The following PEMT variants were observed in gnomAD, a reference collection of about 807,000 sequenced individuals.
PEMT encodes the protein phosphatidylethanolamine N-methyltransferase, also known as phospholipid methyltransferase.
In PEMT, 23 loss-of-function variants were observed where a neutral mutation model predicts 27.4. The observed-to-expected ratio is 0.84, with a 90% CI of 0.60 to 1.19. The LOEUF is 1.19. Among genes scored for constraint, PEMT ranks in the 50% most tolerant of loss-of-function variants. PEMT has a pLI of 0.00. For synonymous variants in PEMT, 137 were observed against 139.1 expected (o/e 0.98, Z 0.11); for missense variants, 307 against 310.1 (o/e 0.99, Z 0.07).
chr17:17,572,382 C>T (rs1163875852), intron 2 of PEMT, among the ~76,000 whole-genome samples: 1 of 152,252 alleles, frequency 6.6e-6, no homozygotes, highest in East Asian at 1.9e-4. Flanking sequence ...GCACCACCGT[C>T]CCCAGCCACC....
intron 2 of PEMT, among the ~76,000 whole-genome samples, chr17:17,541,340 C>A (rs1908871210): frequency 6.6e-6 from 1 of 152,202 alleles, no homozygotes. Context: ...TCTTTCAGCT[C>A]CTCCAGCTCT....
chr17:17,510,819 C>A (rs142798690), intron 4 of PEMT, among the ~76,000 whole-genome samples: 1 of 152,184 alleles, frequency 6.6e-6, no homozygotes, highest in Non-Finnish European at 1.5e-5. Flanking sequence ...GCTCTCCTTA[C>A]GCTGCCTCTG....
At chr17:17,588,211 C>T (rs868354072) in intron 1 of PEMT, among the ~76,000 whole-genome samples, 3 of 152,184 alleles carry the variant, frequency 2.0e-5, no homozygotes, top group Middle Eastern at 3.2e-3. Flanking sequence ...ACAAAATGTA[C>T]GGCCTTGAAA....
chr17:17,508,707 T>C (rs1906101848), intron 5 of PEMT: 1 of 449,248 alleles, frequency 2.2e-6, no homozygotes, highest in African/African-American at 2.1e-5. Context: ...TGACCGCAGG[T>C]CCTCTGACCC....
chr17:17,579,377 G>A (rs777794984), intron 1 of PEMT, among the ~76,000 whole-genome samples: 18 of 152,214 alleles, frequency 1.2e-4, no homozygotes, highest in South Asian at 4.1e-4. Flanking sequence ...GCAGGGCTAA[G>A]CAGATGTTAA....
chr17:17,583,224 A>C (rs1912073004), intron 1 of PEMT, among the ~76,000 whole-genome samples: 1 of 151,944 alleles, frequency 6.6e-6, no homozygotes, highest in African/African-American at 2.4e-5. Context: ...TAAAAATACA[A>C]AAATAGCCAG....
chr17:17,550,456 G>T (rs916244034), intron 2 of PEMT, among the ~76,000 whole-genome samples: 1 of 152,100 alleles, frequency 6.6e-6, no homozygotes, highest in Non-Finnish European at 1.5e-5. Flanking sequence ...ACACCTGAAC[G>T]GTCTGCTTCA....
chr17:17,520,460 G>A (rs747127622), intron 3 of PEMT, among the ~76,000 whole-genome samples: 11 of 152,192 alleles, frequency 7.2e-5, no homozygotes, highest in Middle Eastern at 3.2e-3. Context: ...GTAAAACCTC[G>A]GGCAACCATT....
In PEMT at chr17:17,523,568, C is replaced by T. The variant is rs67660030; in HGVS notation, c.205-1173G>A. ...GGAGGTAGCTCCCGGGCCTTCCCCT[C>T]AACCAGCTGTTGGCACTGCAGCCAA... On this transcript the variant is annotated intron_variant, in intron 2 of 6. Coordinates refer to ENST00000255389, the MANE Select transcript of PEMT (RefSeq NM_148172.3). The surrounding 1 kb of genome is among the most constrained non-coding windows in gnomAD (Gnocchi z 4.8). Among the ~76,000 whole-genome samples, 4,264 of 152,236 alleles carry T rather than the reference C, an allele frequency of 0.028. 214 individuals carry two copies. Among genetic ancestry groups the T allele is most frequent in the African/African-American group, 0.097 (4,022 of 41,512 alleles).
chr17:17,534,659 A>G (rs765638291), intron 2 of PEMT, among the ~76,000 whole-genome samples: 55 of 152,202 alleles, frequency 3.6e-4, no homozygotes, highest in Non-Finnish European at 7.3e-4. Flanking sequence ...CCAGATGGTG[A>G]GACCCCCATC....
chr17:17,509,793 G>C lies in PEMT; in HGVS notation c.467-248C>G, dbSNP rs554193495. On this transcript the variant is annotated intron_variant, in intron 4 of 6. Coordinates refer to ENST00000255389, the MANE Select transcript of PEMT (RefSeq NM_148172.3). ...CCCCTGCCCCACTGCTCCTCTTCTC[G>C]AGCACTCTGACCCAGCCATGCTGGC... is the stretch of plus-strand genomic sequence containing the variant. Among the ~76,000 whole-genome samples, 8 of 152,278 alleles carry C rather than the reference G, an allele frequency of 5.3e-5. No homozygotes were observed. In the South Asian group the frequency reaches 1.5e-3, roughly 28 times the overall value.
chr17:17,591,381 G>A (rs963054726), intron 1 of PEMT, 150 bp downstream of exon 1: 24 of 662,860 alleles, frequency 3.6e-5, no homozygotes, highest in Non-Finnish European at 4.3e-5. Flanking sequence ...GCTCCCGCAC[G>A]CGGCTCCCCC....
At chr17:17,586,234 A>C (rs1346729277) in intron 1 of PEMT, among the ~76,000 whole-genome samples, 1 of 93,804 alleles carries the variant, frequency 1.1e-5, no homozygotes, top group African/African-American at 5.9e-5. Context: ...GAAAGAAAGA[A>C]AGAAAGAAAG....
In PEMT at chr17:17,591,635, C is replaced by G; in HGVS notation, c.-9G>C. On this transcript the variant is annotated 5_prime_UTR_variant, in exon 1 of 7. Transcript: ENST00000255389. ...TTCCCAGATCTCTTCATCCGGGGGC[C>G]GCCTCAGGAGGCACCACGCGGGCCC... 1 of 1,609,290 alleles carries G rather than the reference C, an allele frequency of 6.2e-7. No individual in the cohort carries two copies. The highest frequency in any genetic ancestry group is 8.5e-7 in the Non-Finnish European group (1 of 1,178,088).
At chr17:17,580,920 C>G (rs1217757868) in intron 1 of PEMT, among the ~76,000 whole-genome samples, 1 of 152,184 alleles carries the variant, frequency 6.6e-6, no homozygotes, top group Non-Finnish European at 1.5e-5. Context: ...TCCCCATGGA[C>G]CCTTACCTAT....
intron 1 of PEMT, among the ~76,000 whole-genome samples, chr17:17,578,199 T>A (rs1911751558): frequency 6.6e-6 from 1 of 150,746 alleles, no homozygotes; most frequent in Admixed American, 6.6e-5. Context: ...AGACAGAGTC[T>A]CCCTCTGCCA....
intron 3 of PEMT, among the ~76,000 whole-genome samples, chr17:17,516,127 G>A (rs1056104633): frequency 2.0e-5 from 3 of 151,880 alleles, no homozygotes; most frequent in African/African-American, 4.8e-5. Context: ...CCGCAACGTC[G>A]TCCACATCCA....
At chr17:17,525,045 TGCAGTGAGCCGAGATCGCG>T (rs1907569601) in intron 2 of PEMT, among the ~76,000 whole-genome samples, 1 of 152,064 alleles carries the variant, frequency 6.6e-6, no homozygotes, top group East Asian at 1.9e-4. Context: ...AGGCGGAGGT[TGCAGTGAGCCGAGATCGCG>T]CCACTGCACT....
At chr17:17,551,680 G>A (rs1327629161) in intron 2 of PEMT, among the ~76,000 whole-genome samples, 1 of 152,236 alleles carries the variant, frequency 6.6e-6, no homozygotes, top group East Asian at 1.9e-4. Flanking sequence ...ATGTGACACT[G>A]GAAGGAGGGG....
Sources: gnomAD v4.1 joint callset for allele counts (sites outside exome capture counted in the v4.1 genomes callset) on GRCh38, gnomAD v4.1.1 for gene constraint, Gnocchi (gnomAD v3.1) non-coding constraint, MANE v1.5 for transcripts, NCBI Gene and HGNC (gene_info 2026-07-23, HGNC 2026-07-21) for gene names.